Variants in SEPTIN14 observed in about 807,000 individuals in gnomAD.
SEPTIN14 encodes septin 14.
Under a neutral mutation model 53.6 loss-of-function variants are expected in SEPTIN14, and 40 were observed. The ratio of observed to expected loss-of-function variants is 0.75; its 90% CI spans 0.58 to 0.97. The LOEUF (loss-of-function observed/expected upper bound fraction) is 0.97, where lower values mean the gene tolerates loss of function less well. SEPTIN14 is among the 50% of genes least tolerant of loss of function. SEPTIN14 has a pLI of 0.00. For missense variants in SEPTIN14, 471 were observed against 508.2 expected, an observed-to-expected ratio of 0.93 and a Z score of 0.70; for synonymous variants, 138 against 166.8, an observed-to-expected ratio of 0.83 and a Z score of 1.33.
intron 7 of SEPTIN14, among the ~76,000 whole-genome samples, chr7:55,809,265 T>C (rs1414370537): frequency 4.1e-5 from 6 of 145,370 alleles, no homozygotes; most frequent in African/African-American, 1.5e-4. Flanking sequence ...TCCTTGAGGG[T>C]GGAGGGTGGG....
intron 2 of SEPTIN14, among the ~76,000 whole-genome samples, chr7:55,859,733 G>T (rs543989002): frequency 6.6e-6 from 1 of 151,538 alleles, no homozygotes; most frequent in African/African-American, 2.4e-5. Flanking sequence ...CCACTACTGG[G>T]TATATACCCA....
chr7:55,834,513 A>G lies in SEPTIN14; in HGVS notation c.632T>C (p.Ile211Thr). Residue 211 changes from isoleucine (I) to threonine (T), a missense_variant, in exon 6 of 10, where the codon ATA becomes ACA. Transcript: ENST00000388975. Reference sequence around the variant, plus strand: ...GCCATTGCTAATCAATTCACTCATTATCTTATTCTTAAACGTCTGTAAATC... The same window carrying G: ...GCCATTGCTAATCAATTCACTCATTGTCTTATTCTTAAACGTCTGTAAATC... ...KNDLQTFKNK[I>T]MSELISNGIQ... 1 of 1,612,062 alleles carries G rather than the reference A, an allele frequency of 6.2e-7. No individual in the cohort carries two copies. The highest frequency in any genetic ancestry group is 8.5e-7 in the Non-Finnish European group (1 of 1,178,168).
At chr7:55,849,052 C>T (rs1048312838) in intron 2 of SEPTIN14, among the ~76,000 whole-genome samples, 1 of 152,062 alleles carries the variant, frequency 6.6e-6, no homozygotes, top group African/African-American at 2.4e-5. Context: ...TGGCCAGGCA[C>T]GTTGGCTCAC....
chr7:55,820,855 G>A (rs1788881583), intron 6 of SEPTIN14, among the ~76,000 whole-genome samples: 1 of 152,078 alleles, frequency 6.6e-6, no homozygotes, highest in Non-Finnish European at 1.5e-5. Flanking sequence ...CAGGAGAATT[G>A]CTTGAATCCA....
rs565682730 is a variant in SEPTIN14 at position 55,823,154 on chromosome 7, C to T, written c.721-3931G>A. On this transcript the variant is annotated intron_variant, in intron 6 of 9. Transcript: ENST00000388975. ...TCCATGGACTGGATTGAGAACCTGT[C>T]TTCCTGCTTGGTGCACTTTCCTCTG... Among the ~76,000 whole-genome samples the T allele has an allele frequency of 2.6e-4, 40 of 152,352 alleles. No homozygotes were observed. In the East Asian group the frequency reaches 7.3e-3, roughly 28 times the overall value.
chr7:55,859,180 C>T (rs930131950), intron 2 of SEPTIN14, among the ~76,000 whole-genome samples: 1 of 151,896 alleles, frequency 6.6e-6, no homozygotes, highest in Non-Finnish European at 1.5e-5. Flanking sequence ...TTGTCAAGAC[C>T]AATGTCCAGG....
intron 6 of SEPTIN14, among the ~76,000 whole-genome samples, chr7:55,822,715 A>C (rs1186832397): frequency 1.3e-5 from 2 of 152,190 alleles, no homozygotes; most frequent in Non-Finnish European, 2.9e-5. Flanking sequence ...AGAATCTACA[A>C]ACAGACCTTA....
intron 2 of SEPTIN14, among the ~76,000 whole-genome samples, chr7:55,860,867 G>A (rs1789731826): frequency 6.6e-6 from 1 of 152,042 alleles, no homozygotes; most frequent in South Asian, 2.1e-4. Flanking sequence ...CAAACCTGCT[G>A]GTGCTTTGAT....
At chr7:55,830,093 G>A (rs1422712069) in intron 6 of SEPTIN14, among the ~76,000 whole-genome samples, 3 of 149,200 alleles carry the variant, frequency 2.0e-5, no homozygotes, top group Non-Finnish European at 4.5e-5. Context: ...CAGGAGAATG[G>A]CGTGAACCCG....
At chr7:55,841,376 C>A (rs1421051451) in intron 5 of SEPTIN14, among the ~76,000 whole-genome samples, 1 of 152,154 alleles carries the variant, frequency 6.6e-6, no homozygotes, top group Admixed American at 6.6e-5. Context: ...TCCTCCCACC[C>A]TTCCCCTTTA....
chr7:55,839,793 C>T (rs1028292009), intron 5 of SEPTIN14, among the ~76,000 whole-genome samples: 2 of 152,070 alleles, frequency 1.3e-5, no homozygotes, highest in Non-Finnish European at 2.9e-5. Flanking sequence ...AAGCCTCAAC[C>T]CCCCAGTACC....
chr7:55,810,368 G>A (rs1788679604), intron 7 of SEPTIN14, among the ~76,000 whole-genome samples: 1 of 151,452 alleles, frequency 6.6e-6, no homozygotes, highest in African/African-American at 2.4e-5. Context: ...TTGGACATTT[G>A]CCCCTTATCA....
At position 55,843,105 on chromosome 7, in the gene SEPTIN14, A is replaced by T. The variant is rs1441783431; in HGVS notation, c.395T>A (p.Ile132Lys). Residue 132 changes from isoleucine (I) to lysine (K), a missense_variant, in exon 5 of 10, where the codon ATA (isoleucine) becomes AAA (lysine). Transcript: ENST00000388975. Reference protein sequence around the residue: ...EASYQPIVDYIDAQFEAYLQE... With the variant: ...EASYQPIVDYKDAQFEAYLQE... Reference sequence around the variant, plus strand: ...AAGATAGGCCTCAAATTGGGCATCTATGTAGTCAACTATTGGTTGGTAGCT... The same window carrying T: ...AAGATAGGCCTCAAATTGGGCATCTTTGTAGTCAACTATTGGTTGGTAGCT... 1 of 1,592,996 alleles carries T rather than the reference A, an allele frequency of 6.3e-7. No homozygotes were observed.
intron 5 of SEPTIN14, among the ~76,000 whole-genome samples, chr7:55,842,580 G>A (rs1163330672): frequency 2.0e-5 from 3 of 151,124 alleles, no homozygotes; most frequent in South Asian, 2.1e-4. Context: ...TCTAGCCTGG[G>A]TGACAGAGCA....
intron 4 of SEPTIN14, 87 bp downstream of exon 4, chr7:55,844,435 AT>A (rs1206073255): frequency 1.7e-6 from 1 of 575,984 alleles, no homozygotes; most frequent in African/African-American, 1.9e-5. Flanking sequence ...AAGAAAAGGT[AT>A]TACTTACACA....
chr7:55,848,781 GTA>G (rs1789470948), intron 2 of SEPTIN14, among the ~76,000 whole-genome samples: 1 of 150,852 alleles, frequency 6.6e-6, no homozygotes, highest in Non-Finnish European at 1.5e-5. Flanking sequence ...CTAATTTTTT[GTA>G]TTTTTAGTAG....
At chr7:55,805,187 G>C in intron 9 of SEPTIN14, 71 bp downstream of exon 9, 1 of 1,384,654 alleles carries the variant, frequency 7.2e-7, no homozygotes, top group Non-Finnish European at 1.0e-6. Flanking sequence ...GTAAACTCTT[G>C]AGATTAAAAC....
At chr7:55,800,145 T>A (rs1447470196) in intron 9 of SEPTIN14, among the ~76,000 whole-genome samples, 1 of 152,102 alleles carries the variant, frequency 6.6e-6, no homozygotes, top group Non-Finnish European at 1.5e-5. Context: ...CCACAACAGA[T>A]GAGTGGATGA....
intron 2 of SEPTIN14, among the ~76,000 whole-genome samples, chr7:55,853,293 G>A (rs1256272279): frequency 6.6e-6 from 1 of 152,186 alleles, no homozygotes; most frequent in Non-Finnish European, 1.5e-5. Flanking sequence ...TCCATCAACA[G>A]ATGAATGGAC....
Sources: allele counts gnomAD v4.1 joint callset (sites outside exome capture counted in the v4.1 genomes callset), GRCh38; gene constraint gnomAD v4.1.1; transcripts MANE v1.5; gene names NCBI Gene and HGNC (gene_info 2026-07-23, HGNC 2026-07-21).